Variants in ABLIM1 observed in about 807,000 individuals in gnomAD.
The protein encoded by ABLIM1 is actin binding LIM protein 1.
In ABLIM1, 40 loss-of-function variants were observed where a neutral mutation model predicts 107.0. The ratio of observed to expected loss-of-function variants is 0.37; its 90% CI spans 0.29 to 0.49. ABLIM1 has a LOEUF of 0.49. ABLIM1 is among the 20% of genes least tolerant of loss of function. The pLI, the probability that ABLIM1 is intolerant of heterozygous loss-of-function variation, is 0.97. For missense variants in ABLIM1, 857 were observed against 1,008.5 expected (o/e 0.85, Z 2.04); for synonymous variants, 357 against 357.3 (o/e 1.00, Z 0.01).
intron 4 of ABLIM1, among the ~76,000 whole-genome samples, chr10:114,552,149 C>T (rs1370730456): frequency 6.6e-6 from 1 of 152,184 alleles, no homozygotes; most frequent in East Asian, 1.9e-4. Context: ...CCTGTCTGGA[C>T]AAAGCCATGG....
At chr10:114,728,592 C>CAAAAAAAAAA (rs11405856) in intron 1 of ABLIM1, among the ~76,000 whole-genome samples, 1 of 125,434 alleles carries the variant, frequency 8.0e-6, no homozygotes, top group Non-Finnish European at 1.6e-5. Flanking sequence ...AATGGAGAGC[C>CAAAAAAAAAA]AAAAAAAAAA....
At chr10:114,787,810 C>T in the ABLIM1 span, among the ~76,000 whole-genome samples, 1 of 143,336 alleles carries the variant, frequency 7.0e-6, no homozygotes, top group Non-Finnish European at 1.5e-5. Context: ...TGCCCGGCCA[C>T]GACCCCGTCT....
chr10:114,601,265 CTTT>C (rs781514757), intron 2 of ABLIM1, among the ~76,000 whole-genome samples: 2 of 137,936 alleles, frequency 1.4e-5, no homozygotes, highest in Admixed American at 7.3e-5. Context: ...CTCTTTCTTT[CTTT>C]TTTTTTTTTT....
chr10:114,470,696 A>G (rs920439607), intron 10 of ABLIM1, among the ~76,000 whole-genome samples: 8 of 152,346 alleles, frequency 5.3e-5, no homozygotes, highest in Non-Finnish European at 8.8e-5. Context: ...TTATGTGCCC[A>G]GTACTGTTCT....
chr10:114,571,314 T>G lies in ABLIM1; in HGVS notation c.656A>C (p.Glu219Ala). 6.2e-7 allele frequency: 1 copy of G among 1,614,198 alleles called. No homozygotes were observed. The highest frequency in any genetic ancestry group is 8.5e-7 in the Non-Finnish European group (1 of 1,180,028). ...CAQPMSSSPKETTFSSNCAGC... is the reference protein window; with the variant it reads ...CAQPMSSSPKATTFSSNCAGC... ...GCACTTACTGCTGGAGAAGGTGGTT[T>G]CTTTCGGACTGGACGACATCGGCTG... is the stretch of plus-strand genomic sequence containing the variant. Residue 219 changes from glutamate to alanine, a missense_variant, in exon 4 of 23, where the codon GAA becomes GCA. Coordinates refer to ENST00000533213, the MANE Select transcript of ABLIM1 (RefSeq NM_002313.7).
At chr10:114,547,919 T>G (rs2067564401) in intron 4 of ABLIM1, 143 bp from the exon 5 acceptor site, 3 of 1,189,122 alleles carry the variant, frequency 2.5e-6, no homozygotes, top group South Asian at 1.6e-5. Context: ...TTTCTTTCCC[T>G]GCACAAAATC....
intron 6 of ABLIM1, among the ~76,000 whole-genome samples, chr10:114,521,865 T>C (rs1240971204): frequency 2.0e-5 from 3 of 152,114 alleles, no homozygotes. Flanking sequence ...GAATTCCAGA[T>C]AGTCGGGGAA....
At chr10:114,586,475 C>T (rs1246494514) in intron 2 of ABLIM1, among the ~76,000 whole-genome samples, 4 of 152,042 alleles carry the variant, frequency 2.6e-5, no homozygotes, top group African/African-American at 7.2e-5. Context: ...TAGGATTAGA[C>T]CAAAGAAAAA....
At chr10:114,774,879 T>C in the ABLIM1 span, among the ~76,000 whole-genome samples, 1 of 152,096 alleles carries the variant, frequency 6.6e-6, no homozygotes, top group Non-Finnish European at 1.5e-5. Flanking sequence ...GGAAAAAAAG[T>C]ACTAGATGTC....
At chr10:114,644,206 G>A (rs1278635348) in intron 1 of ABLIM1, among the ~76,000 whole-genome samples, 69 of 139,122 alleles carry the variant, frequency 5.0e-4, no homozygotes, top group African/African-American at 1.8e-3. Context: ...GCATGAACCC[G>A]GGAGGCGGAG....
At chr10:114,779,078 T>C in the ABLIM1 span, 643 of 152,314 alleles carry the variant, frequency 4.2e-3, 9 homozygotes, top group African/African-American at 0.015. Flanking sequence ...AAAAATACAT[T>C]TCCTGAGGTC....
At chr10:114,649,133 C>T (rs1257018406) in intron 1 of ABLIM1, among the ~76,000 whole-genome samples, 1 of 152,034 alleles carries the variant, frequency 6.6e-6, no homozygotes, top group African/African-American at 2.4e-5. Context: ...CACGGTGGCT[C>T]ACACCTATAA....
intron 6 of ABLIM1, among the ~76,000 whole-genome samples, chr10:114,497,226 G>A (rs1026234468): frequency 1.3e-5 from 2 of 152,188 alleles, no homozygotes; most frequent in Non-Finnish European, 2.9e-5. Flanking sequence ...GGCAGACAAC[G>A]GCATGAAGGT....
intron 8 of ABLIM1, among the ~76,000 whole-genome samples, chr10:114,477,474 TG>T (rs1326217807): frequency 2.0e-5 from 3 of 152,216 alleles, no homozygotes; most frequent in African/African-American, 7.2e-5. Context: ...GTCACTCGTA[TG>T]TTACTCATCC....
intron 1 of ABLIM1, among the ~76,000 whole-genome samples, chr10:114,741,270 G>C (rs1261757370): frequency 8.5e-6 from 1 of 117,274 alleles, no homozygotes; most frequent in Non-Finnish European, 1.6e-5. Context: ...TTGTCGCCCA[G>C]GCTGGAGTGC....
chr10:114,454,373 C>G (rs919982164), intron 12 of ABLIM1, among the ~76,000 whole-genome samples: 1 of 152,140 alleles, frequency 6.6e-6, no homozygotes, highest in African/African-American at 2.4e-5. Context: ...ATTCTTCAAG[C>G]TAGGTTTGAG....
intron 2 of ABLIM1, among the ~76,000 whole-genome samples, chr10:114,592,340 T>C (rs1035030864): frequency 2.6e-5 from 4 of 152,116 alleles, no homozygotes; most frequent in Admixed American, 1.3e-4. Flanking sequence ...GTCCTGAGGC[T>C]ATTTGGTACT....
intron 4 of ABLIM1, among the ~76,000 whole-genome samples, chr10:114,562,258 G>T (rs183761120): frequency 6.6e-6 from 1 of 152,138 alleles, no homozygotes; most frequent in Non-Finnish European, 1.5e-5. Context: ...GGCCAGGCGC[G>T]GTGGCTCACG....
chr10:114,651,607 C>T (rs1227950667), intron 1 of ABLIM1, among the ~76,000 whole-genome samples: 4 of 152,020 alleles, frequency 2.6e-5, no homozygotes, highest in Admixed American at 6.6e-5. Context: ...GAGCTTGAAA[C>T]GTATGATTCT....
Sources: gnomAD v4.1 joint callset for allele counts (sites outside exome capture counted in the v4.1 genomes callset) on GRCh38, gnomAD v4.1.1 for gene constraint, MANE v1.5 for transcripts, NCBI Gene and HGNC (gene_info 2026-07-23, HGNC 2026-07-21) for gene names.